The following RB1 variants were observed in gnomAD, a reference collection of about 807,000 sequenced individuals.
RB1 encodes retinoblastoma-associated protein.
RB1 carries 18 observed loss-of-function variants against 135.4 expected under a neutral mutation model. The ratio of observed to expected loss-of-function variants is 0.13; its 90% CI spans 0.09 to 0.20. RB1 has a LOEUF of 0.20. RB1 is among the 10% of genes least tolerant of loss of function. The probability of loss-of-function intolerance (pLI) is 1.00; values close to 1 mark genes in which losing one functional copy is unlikely to be tolerated. For missense variants in RB1, 868 were observed against 1,110.0 expected, an observed-to-expected ratio of 0.78 and a Z score of 3.10; for synonymous variants, 365 against 373.2, an observed-to-expected ratio of 0.98 and a Z score of 0.25.
intron 17 of RB1, among the ~76,000 whole-genome samples, chr13:48,389,149 ACT>A (rs2138155747): frequency 6.6e-6 from 1 of 152,066 alleles, no homozygotes; most frequent in South Asian, 2.1e-4. Context: ...ACAGAGCAAG[ACT>A]CTGTCTCAAA....
At chr13:48,440,419 G>A (rs754898984) in intron 17 of RB1, among the ~76,000 whole-genome samples, 3 of 152,100 alleles carry the variant, frequency 2.0e-5, no homozygotes, top group African/African-American at 4.8e-5. Flanking sequence ...GTTGGGCCCT[G>A]TTAATTTTCA....
intron 2 of RB1, among the ~76,000 whole-genome samples, chr13:48,325,725 T>C (rs182902813): frequency 7.4e-4 from 113 of 152,294 alleles, no homozygotes; most frequent in African/African-American, 2.7e-3. Flanking sequence ...TCATAATTTA[T>C]TTATGAATTT....
In RB1 at chr13:48,411,666, G is replaced by C. The variant is rs151284148; in HGVS notation, c.1695+30223G>C. 285 of 1,610,770 alleles carry C rather than the reference G, an allele frequency of 1.8e-4. No homozygotes were observed. The African/African-American group carries it at 3.6e-3, about 20-fold the overall frequency. ...AACAAATGTTTGTGTTCTCACAAGA[G>C]AATATAAAATAAGATTGATATTGTA... On this transcript the variant is annotated intron_variant, in intron 17 of 26. Coordinates refer to ENST00000267163, the MANE Select transcript of RB1 (RefSeq NM_000321.3).
chr13:48,464,714 A>G (rs1949426314), intron 21 of RB1, among the ~76,000 whole-genome samples: 1 of 152,128 alleles, frequency 6.6e-6, no homozygotes. Context: ...CCCAGTCTAT[A>G]TACTCTTCTC....
intron 5 of RB1, among the ~76,000 whole-genome samples, chr13:48,348,372 T>C (rs2045050551): frequency 6.6e-6 from 1 of 151,860 alleles, no homozygotes; most frequent in African/African-American, 2.4e-5. Context: ...TTGAAGATAA[T>C]TAATATAAAG....
intron 2 of RB1, among the ~76,000 whole-genome samples, chr13:48,313,951 G>C (rs1247986843): frequency 6.6e-6 from 1 of 151,852 alleles, no homozygotes; most frequent in Admixed American, 6.6e-5. Flanking sequence ...GGGTTTCACT[G>C]TGTTAGCCAG....
rs762805947 is a variant in RB1, at chr13:48,360,004, A to AT, written c.608-4dup. The AT allele has an allele frequency of 2.9e-4, 457 of 1,590,326 alleles. No individual in the cohort carries two copies. Among genetic ancestry groups the AT allele is most frequent in the Middle Eastern group, 6.8e-4 (4 of 5,840 alleles). On this transcript the variant is annotated splice_polypyrimidine_tract_variant and intron_variant, in intron 6 of 26. Coordinates refer to ENST00000267163, the MANE Select transcript of RB1 (RefSeq NM_000321.3). ...TCTCTAACTTTCTTTAAAAATGTAC[A>AT]TTTTTTTTTCAGGGGAAGTATTACA...
intron 2 of RB1, among the ~76,000 whole-genome samples, chr13:48,338,438 A>C (rs893768431): frequency 6.6e-6 from 1 of 152,132 alleles, no homozygotes; most frequent in Non-Finnish European, 1.5e-5. Flanking sequence ...TTGATCTTCC[A>C]TCACTGATAC....
In RB1 at chr13:48,399,708, T is replaced by G. The variant is rs371352810; in HGVS notation, c.1695+18265T>G. ...GCAGGTATTCTGTGTTAAATGCTTA[T>G]GTAAGCCTGAGTTCTTCATCCAGAT... On this transcript the variant is annotated intron_variant, in intron 17 of 26. Coordinates refer to ENST00000267163, the MANE Select transcript of RB1 (RefSeq NM_000321.3). Among the ~76,000 whole-genome samples the G allele has an allele frequency of 1.7e-4, 26 of 152,182 alleles. No homozygotes were observed. The East Asian group carries it at 1.9e-3, about 11-fold the overall frequency.
chr13:48,392,549 G>T (rs1948619095), intron 17 of RB1, among the ~76,000 whole-genome samples: 1 of 151,720 alleles, frequency 6.6e-6, no homozygotes, highest in Non-Finnish European at 1.5e-5. Flanking sequence ...CTCATTTATT[G>T]TATTTTTAGT....
chr13:48,364,927 T>A lies in RB1; in HGVS notation c.895T>A (p.Phe299Ile). 6.4e-7 allele frequency: 1 copy of A among 1,567,906 alleles called. No individual in the cohort carries two copies. Among genetic ancestry groups the A allele is most frequent in the Non-Finnish European group, 8.7e-7 (1 of 1,152,406 alleles). Reference protein sequence around the residue: ...KNVYFKNFIPFMNSLGLVTSN... With the variant: ...KNVYFKNFIPIMNSLGLVTSN... The stretch of plus-strand genomic sequence containing the variant: ...TGTTTATTTCAAAAATTTTATACCT[T>A]TTATGAATTCTCTTGGACTTGTAAC... Residue 299 changes from phenylalanine (F) to isoleucine (I), a missense_variant, in exon 9 of 27, where the codon TTT becomes ATT. Physicochemically the swap from Phe to Ile is conservative, Grantham distance 21. This residue lies in a region of RB1 where 641 missense variants were observed against 791.3 expected (regional missense o/e 0.81). Coordinates refer to ENST00000267163, the MANE Select transcript of RB1 (RefSeq NM_000321.3).
chr13:48,434,332 T>C (rs1283130136), intron 17 of RB1, among the ~76,000 whole-genome samples: 1 of 152,094 alleles, frequency 6.6e-6, no homozygotes, highest in East Asian at 1.9e-4. Flanking sequence ...TGTTTTTGGA[T>C]TCAGTCTTGA....
At chr13:48,365,632 AT>A (rs1566193672) in intron 9 of RB1, among the ~76,000 whole-genome samples, 1 of 152,224 alleles carries the variant, frequency 6.6e-6, no homozygotes, top group African/African-American at 2.4e-5. Flanking sequence ...AAGACATAGT[AT>A]TAGTCACTAT....
At chr13:48,355,962 G>A (rs1323319486) in intron 6 of RB1, among the ~76,000 whole-genome samples, 1 of 151,994 alleles carries the variant, frequency 6.6e-6, no homozygotes, top group African/African-American at 2.4e-5. Flanking sequence ...TGGTTAATGG[G>A]TCCACAAACA....
intron 17 of RB1, among the ~76,000 whole-genome samples, chr13:48,407,526 A>G (rs1338722473): frequency 4.6e-5 from 7 of 152,222 alleles, no homozygotes; most frequent in Admixed American, 4.6e-4. Flanking sequence ...TAAAAATGAT[A>G]AAGAGAAAAT....
chr13:48,419,585 A>G (rs1368360054), intron 17 of RB1, among the ~76,000 whole-genome samples: 3 of 152,196 alleles, frequency 2.0e-5, no homozygotes, highest in African/African-American at 7.2e-5. Context: ...TCAAAAAATC[A>G]ATGAATCCAG....
At chr13:48,317,215 G>GC (rs1952192111) in intron 2 of RB1, 3 of 442,658 alleles carry the variant, frequency 6.8e-6, no homozygotes, top group East Asian at 8.4e-5. Flanking sequence ...TGGCCTGCCT[G>GC]CCCCCCTGGG....
intron 2 of RB1, among the ~76,000 whole-genome samples, chr13:48,340,535 T>C (rs1368415728): frequency 6.6e-6 from 1 of 150,622 alleles, no homozygotes; most frequent in African/African-American, 2.5e-5. Context: ...ATAAACAACA[T>C]ACTAAATTTT....
chr13:48,366,049 T>G (rs1402840901), intron 9 of RB1, among the ~76,000 whole-genome samples: 1 of 152,180 alleles, frequency 6.6e-6, no homozygotes, highest in African/African-American at 2.4e-5. Flanking sequence ...GGTGCAGTGA[T>G]GTATGATAGT....
Sources: gnomAD v4.1 joint callset for allele counts (sites outside exome capture counted in the v4.1 genomes callset) on GRCh38, gnomAD v4.1.1 for gene constraint, gnomAD v4.1.1 regional missense constraint, MANE v1.5 for transcripts, NCBI Gene and HGNC (gene_info 2026-07-23, HGNC 2026-07-21) for gene names.